The following MYO5A variants were observed in gnomAD, a reference collection of about 807,000 sequenced individuals.
The protein encoded by MYO5A is unconventional myosin-Va.
A neutral mutation model predicts 249.7 loss-of-function variants in MYO5A; 98 were observed. The observed-to-expected ratio is 0.39, with a 90% CI of 0.33 to 0.46. The LOEUF is 0.46. Among genes scored for constraint, MYO5A ranks in the 20% least tolerant of loss-of-function variants. The probability of loss-of-function intolerance (pLI) is 0.98; values close to 1 mark genes in which losing one functional copy is unlikely to be tolerated. For synonymous variants in MYO5A, 778 were observed against 810.6 expected (o/e 0.96, Z 0.68); for missense variants, 1,696 against 2,308.8 (o/e 0.73, Z 5.44).
Position 52,397,340 on chromosome 15 carries a change from G to A in MYO5A, c.1180C>T (p.Leu394=), listed in dbSNP as rs768861816. Residue 394 remains leucine (L), a synonymous_variant, in exon 10 of 42, where the codon CTG becomes TTG. Coordinates refer to ENST00000399233, the MANE Select transcript of MYO5A (RefSeq NM_001382347.1). ...GCATCGCGGGCATTCGTGGCCTGCA[G>A]CTTGGAGATGGGCTTGATGTATGTC... ...TETYIKPISK[L]QATNARDALA... 3.7e-6 allele frequency: 6 copies of A among 1,614,134 alleles called. No homozygotes were observed. In the South Asian group the frequency reaches 5.5e-5, roughly 15 times the overall value.
Position 52,387,705 on chromosome 15 carries a change from C to T in MYO5A, c.1752+124G>A, listed in dbSNP as rs2042026826. 4.1e-6 allele frequency: 3 copies of T among 735,858 alleles called. No individual in the cohort carries two copies. In the East Asian group the frequency reaches 7.9e-5, roughly 19 times the overall value. The allele number at this position is 735,858 out of a possible 1,614,324, so 45.6% of individuals were successfully genotyped here. A position where few individuals can be genotyped will look rare whatever the true frequency, so the allele number is the denominator to read the frequency against. On this transcript the variant is annotated intron_variant, in intron 14 of 41. Transcript: ENST00000399233. ...CAGCTAAATTACTTTGACTAACATACTAAGTGTTATATATTTGGTAAATTA... is the reference window on the plus strand; with the variant it reads ...CAGCTAAATTACTTTGACTAACATATTAAGTGTTATATATTTGGTAAATTA...
rs1596253029 is a variant in MYO5A, at chr15:52,308,865, T to C, written c.*4831A>G. 1 of 152,894 alleles carries C rather than the reference T, an allele frequency of 6.5e-6. No homozygotes were observed. Among genetic ancestry groups the C allele is most frequent in the Admixed American group, 6.5e-5 (1 of 15,288 alleles). The allele number at this position is 152,894 out of a possible 1,614,324, so 9.5% of individuals were successfully genotyped here. ...AGCACAGCCTGAGAACAAATTACAA[T>C]GCACTCATCCATGAACAGAGGTCAC... On this transcript the variant is annotated 3_prime_UTR_variant, in exon 42 of 42. Transcript: ENST00000399233.
chr15:52,365,312 A>T (rs1422866385), intron 23 of MYO5A, among the ~76,000 whole-genome samples: 3 of 152,136 alleles, frequency 2.0e-5, no homozygotes, highest in Admixed American at 6.5e-5. Context: ...GGTCATCCCC[A>T]CGCGCTGCTG....
chr15:52,464,760 T>A (rs2076320324), intron 1 of MYO5A, among the ~76,000 whole-genome samples: 1 of 152,228 alleles, frequency 6.6e-6, no homozygotes, highest in Admixed American at 6.5e-5. Context: ...CATCACAGGC[T>A]TTTAAGCAGA....
At chr15:52,375,601 C>G in intron 19 of MYO5A, 141 bp from the exon 20 acceptor site, 1 of 913,000 alleles carries the variant, frequency 1.1e-6, no homozygotes, top group Non-Finnish European at 1.7e-6. Context: ...CATGCTAAGT[C>G]AACATTTATA....
chr15:52,323,694 G>A, intron 36 of MYO5A: 1 of 392,932 alleles, frequency 2.5e-6, no homozygotes, highest in Non-Finnish European at 4.8e-6. Flanking sequence ...GAATTTAGCT[G>A]CTCCTTTAAG....
At chr15:52,441,769 A>G (rs1279125588) in intron 1 of MYO5A, among the ~76,000 whole-genome samples, 1 of 152,062 alleles carries the variant, frequency 6.6e-6, no homozygotes, top group Non-Finnish European at 1.5e-5. Context: ...TCCTTATCCC[A>G]CTAAATGATG....
chr15:52,456,922 A>C (rs1473421722), intron 1 of MYO5A, among the ~76,000 whole-genome samples: 1 of 152,198 alleles, frequency 6.6e-6, no homozygotes, highest in African/African-American at 2.4e-5. Flanking sequence ...TATAGCTAAG[A>C]CTTCAAAATT....
chr15:52,351,615 G>A (rs1296910750), intron 27 of MYO5A, 134 bp from the exon 28 acceptor site: 1 of 818,744 alleles, frequency 1.2e-6, no homozygotes, highest in East Asian at 2.5e-5. Flanking sequence ...TGGCTTCCTA[G>A]GTTCTGCCAG....
intron 1 of MYO5A, among the ~76,000 whole-genome samples, chr15:52,478,081 C>G (rs1171845101): frequency 1.3e-5 from 2 of 152,226 alleles, no homozygotes; most frequent in African/African-American, 4.8e-5. Flanking sequence ...TTCCCAGCTG[C>G]TTTGTTTACC....
chr15:52,316,946 T>G, intron 40 of MYO5A, 102 bp downstream of exon 40: 2 of 1,287,020 alleles, frequency 1.6e-6, no homozygotes, highest in Non-Finnish European at 2.2e-6. Context: ...ACAGATGAAG[T>G]CAGCTCAGAG....
At chr15:52,411,483 C>T (rs1451363515) in intron 5 of MYO5A, among the ~76,000 whole-genome samples, 1 of 150,882 alleles carries the variant, frequency 6.6e-6, no homozygotes, top group African/African-American at 2.4e-5. Context: ...ATTTTAATGA[C>T]ATATGTCTTT....
At chr15:52,448,572 C>T (rs1041304714) in intron 1 of MYO5A, among the ~76,000 whole-genome samples, 2 of 152,046 alleles carry the variant, frequency 1.3e-5, no homozygotes, top group Non-Finnish European at 2.9e-5. Flanking sequence ...ATTTGGGAGG[C>T]GCCAGTGGCA....
chr15:52,317,044 C>T lies in MYO5A; in HGVS notation c.5409+4G>A, dbSNP rs72734962. On this transcript the variant is annotated splice_donor_region_variant and intron_variant, in intron 40 of 41. Transcript: ENST00000399233. The stretch of plus-strand genomic sequence containing the variant: ...TTATTTTGTAACAGGGAAAGTTGCT[C>T]TACCTGGGCAGTAGTTAAAGCATTG... 9.1e-3 allele frequency: 14,601 copies of T among 1,613,148 alleles called. 97 individuals carry two copies. The highest frequency in any genetic ancestry group is 0.011 in the Non-Finnish European group (12,774 of 1,179,132).
At position 52,310,482 on chromosome 15, in the gene MYO5A, C is replaced by T. The variant is rs1043438606; in HGVS notation, c.*3214G>A. On this transcript the variant is annotated 3_prime_UTR_variant, in exon 42 of 42. Coordinates refer to ENST00000399233, the MANE Select transcript of MYO5A (RefSeq NM_001382347.1). ...TTTAAGATCTCTTCCTTTGAATTCCCATTGTGTGTCACAGAGGAATTAAGA... is the reference window on the plus strand; with the variant it reads ...TTTAAGATCTCTTCCTTTGAATTCCTATTGTGTGTCACAGAGGAATTAAGA... 1.3e-5 allele frequency: 2 copies of T among 152,190 alleles called. No homozygotes were observed. The highest frequency in any genetic ancestry group is 2.9e-5 in the Non-Finnish European group (2 of 68,056). The allele number at this position is 152,190 out of a possible 1,614,324, so 9.4% of individuals were successfully genotyped here.
intron 5 of MYO5A, among the ~76,000 whole-genome samples, chr15:52,414,249 G>A (rs561551108): frequency 2.6e-5 from 4 of 152,174 alleles, no homozygotes; most frequent in Admixed American, 2.0e-4. Context: ...GCAGCACGCC[G>A]GCCCTCACCA....
At chr15:52,465,566 A>G (rs911874244) in intron 1 of MYO5A, among the ~76,000 whole-genome samples, 2 of 152,178 alleles carry the variant, frequency 1.3e-5, no homozygotes, top group African/African-American at 4.8e-5. Flanking sequence ...CTAGGGCAGG[A>G]GGATTGCTTG....
intron 24 of MYO5A, among the ~76,000 whole-genome samples, chr15:52,362,635 A>C (rs1167686543): frequency 6.6e-6 from 1 of 152,186 alleles, no homozygotes; most frequent in African/African-American, 2.4e-5. Context: ...AAGAGGAATG[A>C]CTGAGTCACA....
chr15:52,428,581 C>T lies in MYO5A; in HGVS notation c.139-12G>A. The T allele has an allele frequency of 1.2e-6, 2 of 1,613,888 alleles. No individual in the cohort carries two copies. Among genetic ancestry groups the T allele is most frequent in the Non-Finnish European group, 1.7e-6 (2 of 1,179,814 alleles). On this transcript the variant is annotated splice_polypyrimidine_tract_variant and intron_variant, in intron 2 of 41. Transcript: ENST00000399233. ...TGGTATTCCAAATCCTGAAAATGCA[C>T]AAGGCACAGCATCTGGATGAATTAT...
Sources: gnomAD v4.1 joint callset for allele counts (sites outside exome capture counted in the v4.1 genomes callset) on GRCh38, gnomAD v4.1.1 for gene constraint, MANE v1.5 for transcripts, NCBI Gene and HGNC (gene_info 2026-07-23, HGNC 2026-07-21) for gene names.